CFAP90: variants seen among roughly 807,000 people sequenced by gnomAD.
CFAP90 encodes cilia- and flagella-associated protein 90.
At chr5:7,832,976 A>G in the CFAP90 span, among the ~76,000 whole-genome samples, 3 of 152,252 alleles carry the variant, frequency 2.0e-5, no homozygotes, top group East Asian at 5.8e-4. Flanking sequence ...TCGTGTGTGC[A>G]ATTTCTGCTC....
the CFAP90 span, among the ~76,000 whole-genome samples, chr5:7,832,211 C>A: frequency 6.6e-6 from 1 of 152,160 alleles, no homozygotes; most frequent in South Asian, 2.1e-4. Context: ...GGCAGGGAAC[C>A]GTTGAATTTG....
At chr5:7,838,692 C>T in the CFAP90 span, among the ~76,000 whole-genome samples, 1,800 of 152,272 alleles carry the variant, frequency 0.012, 33 homozygotes, top group African/African-American at 0.04. Flanking sequence ...TGTCCTATTG[C>T]CTTTGGAATC....
the CFAP90 span, among the ~76,000 whole-genome samples, chr5:7,840,825 G>C: frequency 1.3e-5 from 2 of 152,270 alleles, no homozygotes; most frequent in African/African-American, 2.4e-5. Context: ...TGTCCTTATT[G>C]AAAGGAGAAA....
the CFAP90 span, among the ~76,000 whole-genome samples, chr5:7,848,107 C>T: frequency 1.3e-5 from 2 of 152,042 alleles, no homozygotes; most frequent in East Asian, 1.9e-4. Context: ...GTATTGCATA[C>T]TTAAAATGTA....
chr5:7,849,127 T>A, the CFAP90 span, among the ~76,000 whole-genome samples: 2 of 152,330 alleles, frequency 1.3e-5, no homozygotes. Context: ...TAAGTTCACA[T>A]TCTAAGGTAC....
At chr5:7,838,789 C>G in the CFAP90 span, among the ~76,000 whole-genome samples, 1 of 152,128 alleles carries the variant, frequency 6.6e-6, no homozygotes, top group Non-Finnish European at 1.5e-5. Context: ...TAGAACTGAA[C>G]CCCTGGGAGA....
At chr5:7,847,543 C>T in the CFAP90 span, among the ~76,000 whole-genome samples, 1 of 152,234 alleles carries the variant, frequency 6.6e-6, no homozygotes, top group Non-Finnish European at 1.5e-5. Flanking sequence ...TCTGCGGTAA[C>T]CACAGACATG....
chr5:7,845,564 T>G, the CFAP90 span, among the ~76,000 whole-genome samples: 1 of 152,356 alleles, frequency 6.6e-6, no homozygotes, highest in African/African-American at 2.4e-5. Flanking sequence ...AATGCAGCTC[T>G]TAGACTTTGA....
At chr5:7,834,130 A>T in the CFAP90 span, among the ~76,000 whole-genome samples, 4 of 152,282 alleles carry the variant, frequency 2.6e-5, no homozygotes, top group South Asian at 4.2e-4. Context: ...CAGAGAAGAC[A>T]TTGTTAGCCT....
the CFAP90 span, among the ~76,000 whole-genome samples, chr5:7,838,248 C>A: frequency 6.6e-6 from 1 of 152,050 alleles, no homozygotes; most frequent in Non-Finnish European, 1.5e-5. Context: ...CACATGAAAA[C>A]AATAGGAAAA....
At chr5:7,851,127 C>T in the CFAP90 span, 4 of 1,205,116 alleles carry the variant, frequency 3.3e-6, no homozygotes, top group Non-Finnish European at 4.1e-6. Context: ...GCGTCTAGCC[C>T]GCGTCTGTGT....
chr5:7,840,532 A>G, the CFAP90 span, among the ~76,000 whole-genome samples: 2 of 152,242 alleles, frequency 1.3e-5, no homozygotes, highest in African/African-American at 4.8e-5. Flanking sequence ...GTACAGTAGC[A>G]GAAAAGAATG....
chr5:7,849,386 G>T, the CFAP90 span, among the ~76,000 whole-genome samples: 667 of 152,180 alleles, frequency 4.4e-3, 7 homozygotes, highest in African/African-American at 0.015. Context: ...ACACCATAAG[G>T]GAACGATCTC....
At chr5:7,838,021 C>G in the CFAP90 span, among the ~76,000 whole-genome samples, 1 of 152,160 alleles carries the variant, frequency 6.6e-6, no homozygotes, top group Non-Finnish European at 1.5e-5. Flanking sequence ...GTCAAACCAC[C>G]CTGGCCTTCA....
At chr5:7,835,617 T>G in the CFAP90 span, 20 of 630,418 alleles carry the variant, frequency 3.2e-5, no homozygotes, top group Admixed American at 5.7e-5. Context: ...GTGGTGAGTA[T>G]GTGGTAGGAA....
chr5:7,849,210 A>T, the CFAP90 span, among the ~76,000 whole-genome samples: 1 of 152,210 alleles, frequency 6.6e-6, no homozygotes, highest in Non-Finnish European at 1.5e-5. Context: ...TAAACTAGAA[A>T]CACGATTGCT....
At chr5:7,833,455 C>T in the CFAP90 span, among the ~76,000 whole-genome samples, 1 of 144,250 alleles carries the variant, frequency 6.9e-6, no homozygotes, top group East Asian at 1.9e-4. Context: ...CACAAGCAGG[C>T]ACACACACAT....
At chr5:7,847,946 T>C in the CFAP90 span, among the ~76,000 whole-genome samples, 1 of 152,226 alleles carries the variant, frequency 6.6e-6, no homozygotes, top group Non-Finnish European at 1.5e-5. Flanking sequence ...AATGTTTTTA[T>C]TCTGTCCAAC....
chr5:7,850,139 G>C, the CFAP90 span, among the ~76,000 whole-genome samples: 1 of 152,102 alleles, frequency 6.6e-6, no homozygotes, highest in African/African-American at 2.4e-5. Flanking sequence ...CGCGCACCCG[G>C]CTTCTCCCAC....
Sources: gnomAD v4.1 joint callset for allele counts (sites outside exome capture counted in the v4.1 genomes callset) on GRCh38, gnomAD v4.1.1 for gene constraint, MANE v1.5 for transcripts, NCBI Gene and HGNC (gene_info 2026-07-23, HGNC 2026-07-21) for gene names.